RERE: variants seen among roughly 807,000 people sequenced by gnomAD.
RERE encodes the protein arginine-glutamic acid dipeptide repeats.
Under a neutral mutation model 146.1 loss-of-function variants are expected in RERE, and 40 were observed. The ratio of observed to expected loss-of-function variants is 0.27; its 90% CI spans 0.21 to 0.36. The LOEUF (loss-of-function observed/expected upper bound fraction) is 0.36. Among genes scored for constraint, RERE ranks in the 10% least tolerant of loss-of-function variants. The pLI is 1.00. For missense variants in RERE, 1,933 were observed against 2,138.7 expected, an observed-to-expected ratio of 0.90 and a Z score of 1.90; for synonymous variants, 1,003 against 866.0, an observed-to-expected ratio of 1.16 and a Z score of -2.78.
intron 4 of RERE, among the ~76,000 whole-genome samples, chr1:8,599,261 C>A (rs1403085590): frequency 6.6e-6 from 1 of 152,156 alleles, no homozygotes; most frequent in African/African-American, 2.4e-5. Flanking sequence ...AGCCACCTAA[C>A]AATTAACAAC....
At chr1:8,785,765 G>A (rs1343504043) in intron 1 of RERE, among the ~76,000 whole-genome samples, 1 of 152,114 alleles carries the variant, frequency 6.6e-6, no homozygotes, top group Non-Finnish European at 1.5e-5. Flanking sequence ...GAGATTACAG[G>A]TGCCAACCAC....
chr1:8,572,738 C>A (rs1044406059), intron 4 of RERE, among the ~76,000 whole-genome samples: 3 of 152,122 alleles, frequency 2.0e-5, no homozygotes, highest in Non-Finnish European at 4.4e-5. Flanking sequence ...GAGGAGAAGA[C>A]CCCTTACCAA....
chr1:8,468,721 T>C (rs1644639577), intron 10 of RERE, among the ~76,000 whole-genome samples: 1 of 152,106 alleles, frequency 6.6e-6, no homozygotes, highest in Non-Finnish European at 1.5e-5. Flanking sequence ...TCATCTCTAC[T>C]AAAAATTTAA....
chr1:8,638,153 T>C (rs1161903221), intron 2 of RERE, among the ~76,000 whole-genome samples: 2 of 152,336 alleles, frequency 1.3e-5, no homozygotes, highest in South Asian at 2.1e-4. Flanking sequence ...TATAAAAAAC[T>C]TGTAATATAG....
chr1:8,594,832 A>G (rs965023559), intron 4 of RERE, among the ~76,000 whole-genome samples: 4 of 152,148 alleles, frequency 2.6e-5, no homozygotes, highest in African/African-American at 9.7e-5. Context: ...ACTCACTTCC[A>G]GGAGGCCCTG....
chr1:8,597,401 A>G (rs1646567581), intron 4 of RERE, among the ~76,000 whole-genome samples: 2 of 152,142 alleles, frequency 1.3e-5, no homozygotes, highest in South Asian at 2.1e-4. Context: ...CCCTGATGCT[A>G]ATTTTTAAAT....
At chr1:8,727,714 G>A (rs1304465710) in intron 1 of RERE, among the ~76,000 whole-genome samples, 1 of 151,934 alleles carries the variant, frequency 6.6e-6, no homozygotes, top group Admixed American at 6.6e-5. Flanking sequence ...GGATGGTCTT[G>A]ATCTCTTAAC....
intron 2 of RERE, among the ~76,000 whole-genome samples, chr1:8,650,670 G>A (rs113467295): frequency 0.01 from 1,574 of 152,064 alleles, 30 homozygotes; most frequent in African/African-American, 0.036. Flanking sequence ...AGGCCGGGGC[G>A]GGCAGATCAC....
At chr1:8,761,898 G>A (rs542296196) in intron 1 of RERE, among the ~76,000 whole-genome samples, 1 of 146,794 alleles carries the variant, frequency 6.8e-6, no homozygotes, top group East Asian at 1.9e-4. Context: ...CTCCAGACTG[G>A]GCAACAAGAG....
At chr1:8,415,377 T>C (rs1208685711) in intron 12 of RERE, among the ~76,000 whole-genome samples, 2 of 152,212 alleles carry the variant, frequency 1.3e-5, no homozygotes, top group African/African-American at 2.4e-5. Context: ...ATAAGAAATA[T>C]AGGTTAGCAA....
intron 10 of RERE, among the ~76,000 whole-genome samples, chr1:8,487,662 C>T (rs1404199170): frequency 6.6e-6 from 1 of 152,134 alleles, no homozygotes; most frequent in Non-Finnish European, 1.5e-5. Flanking sequence ...CCACTCTCAT[C>T]ACTTCTATTC....
At chr1:8,793,946 G>T (rs187437288) in intron 1 of RERE, among the ~76,000 whole-genome samples, 1 of 151,630 alleles carries the variant, frequency 6.6e-6, no homozygotes, top group Non-Finnish European at 1.5e-5. Context: ...CATGCCTGTA[G>T]TCCCACCTAC....
intron 1 of RERE, chr1:8,786,319 AG>A: frequency 1.1e-6 from 1 of 884,888 alleles, no homozygotes; most frequent in Admixed American, 1.7e-5. Context: ...GAAGGGCCAC[AG>A]GAAGTTATTT....
chr1:8,559,307 G>GAACAAAACAA (rs1007597812), intron 4 of RERE, among the ~76,000 whole-genome samples: 5 of 65,798 alleles, frequency 7.6e-5, no homozygotes, highest in Admixed American at 6.9e-4. Flanking sequence ...AAAAAAAACA[G>GAACAAAACAA]AACAAAACAA....
chr1:8,683,666 G>A lies in RERE; in HGVS notation c.-144-27225C>T, dbSNP rs913005748. ...TTATTTTTAAAAAATAAATTGACCA[G>A]GCGCAGTGGCTCAGGTCTGTAAACC... On this transcript the variant is annotated intron_variant, in intron 1 of 22. Coordinates refer to ENST00000400908, the MANE Select transcript of RERE (RefSeq NM_001042681.2). 2.6e-5 allele frequency among the ~76,000 whole-genome samples: 4 copies of A among 152,298 alleles called. No homozygotes were observed. The South Asian group carries it at 8.3e-4, about 32-fold the overall frequency.
chr1:8,616,982 A>G (rs1646859846), intron 3 of RERE, among the ~76,000 whole-genome samples: 1 of 152,236 alleles, frequency 6.6e-6, no homozygotes, highest in South Asian at 2.1e-4. Flanking sequence ...CCATTACTCC[A>G]TAATTGTGGC....
At chr1:8,406,172 A>G (rs1231667780) in intron 12 of RERE, among the ~76,000 whole-genome samples, 1 of 152,108 alleles carries the variant, frequency 6.6e-6, no homozygotes, top group East Asian at 1.9e-4. Flanking sequence ...ATCCCGGATC[A>G]CTACGGCCTC....
chr1:8,572,282 T>C (rs555399479), intron 4 of RERE, among the ~76,000 whole-genome samples: 1 of 152,338 alleles, frequency 6.6e-6, no homozygotes, highest in Non-Finnish European at 1.5e-5. Context: ...CAACATTTGC[T>C]GTGATGAAAA....
At chr1:8,384,986 C>T (rs576510576) in intron 12 of RERE, among the ~76,000 whole-genome samples, 2 of 152,244 alleles carry the variant, frequency 1.3e-5, no homozygotes, top group East Asian at 1.9e-4. Context: ...CTCGTGCTTG[C>T]ACCTTCCTTC....
Sources: allele counts gnomAD v4.1 joint callset (sites outside exome capture counted in the v4.1 genomes callset), GRCh38; gene constraint gnomAD v4.1.1; transcripts MANE v1.5; gene names NCBI Gene and HGNC (gene_info 2026-07-23, HGNC 2026-07-21).